The following FOXP1 variants were observed in gnomAD, a reference collection of about 807,000 sequenced individuals.
FOXP1 encodes the protein forkhead box P1.
A neutral mutation model predicts 98.2 loss-of-function variants in FOXP1; 15 were observed. The observed-to-expected ratio is 0.15, with a 90% CI of 0.10 to 0.24. FOXP1 has a LOEUF of 0.24. Ranked by LOEUF, FOXP1 falls within the 10% of genes least tolerant of loss-of-function variation. FOXP1 has a pLI of 1.00. For synonymous variants in FOXP1, 371 were observed against 314.5 expected (o/e 1.18, Z -1.90); for missense variants, 633 against 848.5 (o/e 0.75, Z 3.15).
intron 6 of FOXP1, among the ~76,000 whole-genome samples, chr3:71,146,267 G>A (rs1189348782): frequency 2.0e-5 from 3 of 152,230 alleles, no homozygotes; most frequent in Admixed American, 2.0e-4. Flanking sequence ...AAGAAGCCAG[G>A]GTGGCTATTT....
intron 3 of FOXP1, among the ~76,000 whole-genome samples, chr3:71,393,466 TATC>T (rs1171070380): frequency 6.6e-6 from 1 of 152,004 alleles, no homozygotes. Flanking sequence ...GCCTCTCTAA[TATC>T]ATGTACATTT....
chr3:71,376,346 G>T (rs1045001377), intron 3 of FOXP1, among the ~76,000 whole-genome samples: 3 of 152,086 alleles, frequency 2.0e-5, no homozygotes, highest in Admixed American at 1.3e-4. Flanking sequence ...ATAAATACTT[G>T]TCTCCACTGA....
intron 4 of FOXP1, among the ~76,000 whole-genome samples, chr3:71,326,216 T>C (rs1338672719): frequency 6.6e-6 from 1 of 152,170 alleles, no homozygotes. Flanking sequence ...TGAAATGTAA[T>C]CTTTGGTCAC....
At chr3:71,002,130 A>G (rs994385999) in intron 12 of FOXP1, among the ~76,000 whole-genome samples, 2 of 152,182 alleles carry the variant, frequency 1.3e-5, no homozygotes, top group African/African-American at 4.8e-5. Flanking sequence ...AACCCTTTGA[A>G]ACAACTAAGT....
chr3:71,403,311 G>A (rs1252575620), intron 3 of FOXP1, among the ~76,000 whole-genome samples: 8 of 152,316 alleles, frequency 5.3e-5, no homozygotes, highest in South Asian at 4.1e-4. Flanking sequence ...CAAAAAGCTC[G>A]CCTGGATCTC....
At chr3:71,538,637 C>T (rs934506541) in intron 2 of FOXP1, among the ~76,000 whole-genome samples, 2 of 152,150 alleles carry the variant, frequency 1.3e-5, no homozygotes, top group Non-Finnish European at 2.9e-5. Context: ...ACAAGCTTTT[C>T]TGTAGATAGA....
chr3:70,981,417 A>T (rs576429849), intron 14 of FOXP1, among the ~76,000 whole-genome samples: 3 of 152,290 alleles, frequency 2.0e-5, no homozygotes, highest in African/African-American at 7.2e-5. Flanking sequence ...AATAAGCCAC[A>T]GAGGAAGCAG....
At chr3:71,351,504 T>C (rs111904523) in intron 4 of FOXP1, among the ~76,000 whole-genome samples, 11 of 152,358 alleles carry the variant, frequency 7.2e-5, no homozygotes, top group African/African-American at 2.2e-4. Context: ...AATATTTTAC[T>C]AATATTTGAA....
At chr3:70,976,049 C>CT (rs10610516) in intron 17 of FOXP1, among the ~76,000 whole-genome samples, 74 of 115,718 alleles carry the variant, frequency 6.4e-4, no homozygotes, top group Middle Eastern at 4.5e-3. Flanking sequence ...GGACAATCTC[C>CT]TTTTTTTTTT....
At chr3:71,313,534 C>CT (rs569229839) in intron 4 of FOXP1, among the ~76,000 whole-genome samples, 6,272 of 145,328 alleles carry the variant, frequency 0.043, 195 homozygotes, top group Non-Finnish European at 0.052. Flanking sequence ...ATTTCTTTTT[C>CT]TTTTTTTTTT....
chr3:71,293,408 A>C (rs1247417053), intron 5 of FOXP1, among the ~76,000 whole-genome samples: 3 of 152,142 alleles, frequency 2.0e-5, no homozygotes, highest in Non-Finnish European at 4.4e-5. Flanking sequence ...TCGGGGCTGC[A>C]GTAAGCTCTG....
At chr3:71,348,565 G>A (rs1189462420) in intron 4 of FOXP1, among the ~76,000 whole-genome samples, 9 of 142,384 alleles carry the variant, frequency 6.3e-5, no homozygotes, top group East Asian at 6.0e-4. Flanking sequence ...GCGCGCGCAC[G>A]CATATGCATG....
At chr3:71,407,234 C>A (rs2082412379) in intron 3 of FOXP1, among the ~76,000 whole-genome samples, 1 of 152,134 alleles carries the variant, frequency 6.6e-6, no homozygotes, top group Non-Finnish European at 1.5e-5. Flanking sequence ...CCAGTGGCCA[C>A]CACAAAAACA....
chr3:71,267,356 G>T (rs998543760), intron 5 of FOXP1, among the ~76,000 whole-genome samples: 3 of 152,126 alleles, frequency 2.0e-5, no homozygotes, highest in Non-Finnish European at 4.4e-5. Context: ...AGTAGATCCA[G>T]ATGGAAAGAA....
intron 2 of FOXP1, among the ~76,000 whole-genome samples, chr3:71,516,828 A>G (rs2042617037): frequency 6.6e-6 from 1 of 152,222 alleles, no homozygotes; most frequent in South Asian, 2.1e-4. Flanking sequence ...CCTGGGTGAC[A>G]GAGCAAGACT....
chr3:71,583,155 C>A (rs2048324303), intron 1 of FOXP1, among the ~76,000 whole-genome samples: 1 of 152,072 alleles, frequency 6.6e-6, no homozygotes, highest in Admixed American at 6.5e-5. Flanking sequence ...TTATTGATTT[C>A]TCTCCCCTAG....
intron 5 of FOXP1, among the ~76,000 whole-genome samples, chr3:71,255,292 A>G (rs966138492): frequency 6.6e-6 from 1 of 152,188 alleles, no homozygotes; most frequent in African/African-American, 2.4e-5. Flanking sequence ...TTAGCCTTAC[A>G]CTGTCCCCAT....
intron 6 of FOXP1, among the ~76,000 whole-genome samples, chr3:71,150,133 T>C (rs2060497381): frequency 6.6e-6 from 1 of 152,200 alleles, no homozygotes; most frequent in Admixed American, 6.5e-5. Context: ...TTCTTCCTTC[T>C]TTTCCTCTCT....
At chr3:71,384,914 T>C (rs1427295610) in intron 3 of FOXP1, among the ~76,000 whole-genome samples, 1 of 152,112 alleles carries the variant, frequency 6.6e-6, no homozygotes, top group East Asian at 1.9e-4. Flanking sequence ...AATCACTTAG[T>C]GGTATCTTGA....
Sources: allele counts gnomAD v4.1 joint callset (sites outside exome capture counted in the v4.1 genomes callset), GRCh38; gene constraint gnomAD v4.1.1; transcripts MANE v1.5; gene names NCBI Gene and HGNC (gene_info 2026-07-23, HGNC 2026-07-21).